The following SNAP91 variants were observed in gnomAD, a reference collection of about 807,000 sequenced individuals.
The protein encoded by SNAP91 is clathrin coat assembly protein AP180.
Under a neutral mutation model 100.3 loss-of-function variants are expected in SNAP91, and 27 were observed. The ratio of observed to expected loss-of-function variants is 0.27; its 90% CI spans 0.20 to 0.37. The LOEUF (loss-of-function observed/expected upper bound fraction) is 0.37, where lower values mean the gene tolerates loss of function less well. Ranked by LOEUF, SNAP91 falls within the 10% of genes least tolerant of loss-of-function variation. The pLI, the probability that SNAP91 is intolerant of heterozygous loss-of-function variation, is 1.00. For missense variants in SNAP91, 986 were observed against 1,123.7 expected (o/e 0.88, Z 1.75); for synonymous variants, 404 against 398.6 (o/e 1.01, Z -0.16).
chr6:83,674,200 G>A (rs916651679), intron 2 of SNAP91, among the ~76,000 whole-genome samples: 3 of 152,194 alleles, frequency 2.0e-5, no homozygotes, highest in South Asian at 2.1e-4. Flanking sequence ...CGAGGCGGGC[G>A]GATCACTTGA....
intron 8 of SNAP91, among the ~76,000 whole-genome samples, chr6:83,632,305 C>T (rs558718252): frequency 1.3e-5 from 2 of 152,196 alleles, no homozygotes; most frequent in African/African-American, 2.4e-5. Flanking sequence ...ATGCTTCTGT[C>T]TCACAGCTCT....
At chr6:83,575,316 G>A (rs1816514089) in intron 25 of SNAP91, 195 bp from the exon 26 acceptor site, 7 of 559,846 alleles carry the variant, frequency 1.3e-5, no homozygotes, top group Admixed American at 3.4e-5. Context: ...AAAAGCATTT[G>A]AAAAAAAATC....
Position 83,603,662 on chromosome 6 carries a change from T to C in SNAP91, c.1141+2023A>G, listed in dbSNP as rs75902717. ...AAGAAGAAAAAAAAAAGGTACTCCC[T>C]GTAGTGAGACAGATTAGAAAAAGTA... On this transcript the variant is annotated intron_variant, in intron 14 of 29. Transcript: ENST00000369694. Among the ~76,000 whole-genome samples, 1,227 of 152,102 alleles carry C rather than the reference T, an allele frequency of 8.1e-3. 18 individuals carry two copies. The highest frequency in any genetic ancestry group is 0.027 in the African/African-American group (1,139 of 41,528).
intron 2 of SNAP91, among the ~76,000 whole-genome samples, chr6:83,692,306 A>C (rs1435270270): frequency 6.6e-6 from 1 of 152,216 alleles, no homozygotes; most frequent in African/African-American, 2.4e-5. Context: ...CTTGAGGTCA[A>C]GAGTTCAAGA....
At chr6:83,692,621 C>T (rs1429829026) in intron 2 of SNAP91, among the ~76,000 whole-genome samples, 2 of 152,114 alleles carry the variant, frequency 1.3e-5, no homozygotes, top group Admixed American at 1.3e-4. Flanking sequence ...AGATCACAGG[C>T]AGAAAGCAGC....
At chr6:83,639,611 C>T (rs1052286864) in intron 8 of SNAP91, among the ~76,000 whole-genome samples, 1 of 152,032 alleles carries the variant, frequency 6.6e-6, no homozygotes, top group African/African-American at 2.4e-5. Flanking sequence ...GAGGTATCAA[C>T]AGACAAAAAG....
intron 2 of SNAP91, among the ~76,000 whole-genome samples, chr6:83,701,539 C>T (rs1032620916): frequency 2.0e-5 from 3 of 151,856 alleles, no homozygotes; most frequent in African/African-American, 7.3e-5. Flanking sequence ...CTCCGCCTCT[C>T]GGGTTCAAGC....
chr6:83,593,401 C>G, intron 18 of SNAP91, 77 bp downstream of exon 18: 1 of 1,529,686 alleles, frequency 6.5e-7, no homozygotes, highest in South Asian at 1.2e-5. Context: ...ATTACACAGT[C>G]TTCATGCAGT....
intron 2 of SNAP91, among the ~76,000 whole-genome samples, chr6:83,697,366 A>AAT (rs1554372323): frequency 6.7e-6 from 1 of 148,436 alleles, no homozygotes; most frequent in Non-Finnish European, 1.5e-5. Context: ...ACACACACAC[A>AAT]ATGCCGGCAA....
intron 26 of SNAP91, among the ~76,000 whole-genome samples, chr6:83,564,211 AT>A (rs1218911936): frequency 4.6e-5 from 7 of 151,706 alleles, no homozygotes; most frequent in East Asian, 1.9e-4. Flanking sequence ...TCTATGGTTA[AT>A]TTTTTTTTCT....
In SNAP91 at chr6:83,616,911, C is replaced by T. The variant is rs779035459; in HGVS notation, c.878+58G>A. 6.5e-5 allele frequency: 73 copies of T among 1,122,398 alleles called. No individual in the cohort carries two copies. The Middle Eastern group carries it at 1.1e-3, about 17-fold the overall frequency. The allele number at this position is 1,122,398 out of a possible 1,614,324, so 69.5% of individuals were successfully genotyped here. A position where few individuals can be genotyped will look rare whatever the true frequency, so the allele number is the denominator to read the frequency against. On this transcript the variant is annotated intron_variant, in intron 10 of 29. Transcript: ENST00000369694. ...AAGTTGTACCATGATAAATCTCATT[C>T]TTAGAAGAACGACTGTAGTATTTTT...
At chr6:83,587,724 C>G (rs1425734303) in intron 22 of SNAP91, among the ~76,000 whole-genome samples, 1 of 152,186 alleles carries the variant, frequency 6.6e-6, no homozygotes, top group East Asian at 1.9e-4. Flanking sequence ...ATAAATGTGA[C>G]TGTGGTTTTA....
At chr6:83,669,338 G>A (rs2098742349) in intron 2 of SNAP91, among the ~76,000 whole-genome samples, 1 of 151,848 alleles carries the variant, frequency 6.6e-6, no homozygotes, top group African/African-American at 2.4e-5. Flanking sequence ...AAAAAATAAA[G>A]TATAGATACA....
chr6:83,675,346 T>A (rs537540474), intron 2 of SNAP91, among the ~76,000 whole-genome samples: 1 of 152,262 alleles, frequency 6.6e-6, no homozygotes, highest in Admixed American at 6.5e-5. Context: ...CTTGTATTTT[T>A]ATATTAACAT....
In SNAP91 at chr6:83,674,163, G is replaced by A. The variant is rs145552746; in HGVS notation, c.131-8582C>T. 6.3e-3 allele frequency among the ~76,000 whole-genome samples: 963 copies of A among 152,246 alleles called. 4 individuals are homozygous for A. The highest frequency in any genetic ancestry group is 0.017 in the Middle Eastern group (5 of 294). On this transcript the variant is annotated intron_variant, in intron 2 of 29. Transcript: ENST00000369694. ...CAGTAGGCCAGTTGTGGTGGCTCAC[G>A]CCTATAATCCCAGCACTTTGCGAGG...
intron 2 of SNAP91, among the ~76,000 whole-genome samples, chr6:83,675,150 T>G (rs182641196): frequency 6.6e-6 from 1 of 152,112 alleles, no homozygotes. Flanking sequence ...ATAGGGCAAG[T>G]AAGAAAAGAA....
Position 83,660,482 on chromosome 6 carries a change from T to C in SNAP91, c.452+1020A>G, listed in dbSNP as rs1439648745. ...GACTAAAATATTAAAGCTGCTATAG[T>C]ACCTTGCCATTATTTCAAATGAGGA... is the stretch of plus-strand genomic sequence containing the variant. On this transcript the variant is annotated intron_variant, in intron 5 of 29. Coordinates refer to ENST00000369694, the MANE Select transcript of SNAP91 (RefSeq NM_001242792.2). 2.0e-5 allele frequency among the ~76,000 whole-genome samples: 3 copies of C among 152,180 alleles called. No individual in the cohort carries two copies. In the East Asian group the frequency reaches 5.8e-4, roughly 29 times the overall value.
intron 2 of SNAP91, chr6:83,689,600 A>G (rs2099105916): frequency 6.6e-6 from 1 of 152,162 alleles, no homozygotes. Context: ...TACCTAGTAA[A>G]AATTAATTCA....
intron 12 of SNAP91, among the ~76,000 whole-genome samples, chr6:83,610,036 A>C (rs1289356155): frequency 6.6e-6 from 1 of 152,166 alleles, no homozygotes; most frequent in Non-Finnish European, 1.5e-5. Context: ...GGATACATAA[A>C]AACATAACTT....
Sources: allele counts gnomAD v4.1 joint callset (sites outside exome capture counted in the v4.1 genomes callset), GRCh38; gene constraint gnomAD v4.1.1; transcripts MANE v1.5; gene names NCBI Gene and HGNC (gene_info 2026-07-23, HGNC 2026-07-21).